The following PPP2R1B variants were observed in gnomAD, a reference collection of about 807,000 sequenced individuals.
The protein encoded by PPP2R1B is serine/threonine-protein phosphatase 2A 65 kDa regulatory subunit A beta isoform.
In PPP2R1B, 58 loss-of-function variants were observed where a neutral mutation model predicts 72.7. The ratio of observed to expected loss-of-function variants is 0.80; its 90% confidence interval spans 0.65 to 0.99. The LOEUF (loss-of-function observed/expected upper bound fraction) is 0.99, where lower values mean the gene tolerates loss of function less well. Among genes scored for constraint, PPP2R1B ranks in the 50% least tolerant of loss-of-function variants. The probability of loss-of-function intolerance (pLI) is 0.00; values close to 1 mark genes in which losing one functional copy is unlikely to be tolerated. For missense variants in PPP2R1B, 695 were observed against 733.6 expected, an observed-to-expected ratio of 0.95 and a Z score of 0.61; for synonymous variants, 256 against 264.6, an observed-to-expected ratio of 0.97 and a Z score of 0.32.
At chr11:111,719,635 T>C in the PPP2R1B span, 1 of 830,206 alleles carries the variant, frequency 1.2e-6, no homozygotes, top group Non-Finnish European at 1.9e-6. Flanking sequence ...ATCTATGTGT[T>C]GTCATGCATA....
In PPP2R1B at chr11:111,738,179, A is replaced by T. The variant is rs908743168; in HGVS notation, c.*3417T>A. Reference sequence around the variant, plus strand: ...AGTTACATCACATCAGACTGCAGTCACCTCAGCTGCTAAACCAGGAGAACA... The same window carrying T: ...AGTTACATCACATCAGACTGCAGTCTCCTCAGCTGCTAAACCAGGAGAACA... On this transcript the variant is annotated 3_prime_UTR_variant, in exon 15 of 15. Coordinates refer to ENST00000527614, the MANE Select transcript of PPP2R1B (RefSeq NM_002716.5). The T allele has an allele frequency of 2.0e-6, 2 of 985,694 alleles. No homozygotes were observed. The highest frequency in any genetic ancestry group is 2.4e-6 in the Non-Finnish European group (2 of 830,206). 61.1% of individuals were successfully genotyped at this position (985,694 alleles called of 1,614,324 possible).
At chr11:111,734,602 G>A (rs576866338), downstream of PPP2R1B, among the ~76,000 whole-genome samples, 26 of 152,242 alleles carry the variant, frequency 1.7e-4, no homozygotes, top group Non-Finnish European at 2.5e-4. Flanking sequence ...CTTCCCCATG[G>A]ACTTCAAGGT....
intron 3 of PPP2R1B, among the ~76,000 whole-genome samples, chr11:111,762,198 AGAACTAACCAAGAGT>A (rs1287174159): frequency 5.3e-5 from 8 of 152,230 alleles, no homozygotes; most frequent in African/African-American, 1.9e-4. Context: ...ACCCACATAT[AGAACTAACCAAGAGT>A]GAAACAGAAG....
chr11:111,722,740 C>T, downstream of PPP2R1B: 1 of 1,614,062 alleles, frequency 6.2e-7, no homozygotes, highest in Non-Finnish European at 8.5e-7. The surrounding 1 kb of genome is among the most constrained non-coding windows in gnomAD (Gnocchi z 4.4). Context: ...CCTTGAGCAG[C>T]AGCTGCAGGA....
chr11:111,746,027 C>A (rs1325305883), intron 11 of PPP2R1B, among the ~76,000 whole-genome samples: 1 of 152,134 alleles, frequency 6.6e-6, no homozygotes, highest in Non-Finnish European at 1.5e-5. Context: ...TTCTCCTGCT[C>A]CCAAACTGAA....
In PPP2R1B at chr11:111,741,979, C is replaced by T. The variant is rs770081594; in HGVS notation, c.1789+74G>A. On this transcript the variant is annotated intron_variant, in intron 14 of 14. Transcript: ENST00000527614. ...AATACTTATCATCCTACCCACTTAA[C>T]ACCTCTCACATAATAGAGATAAATC... is the stretch of plus-strand genomic sequence containing the variant. 8.8e-6 allele frequency: 11 copies of T among 1,243,020 alleles called. No homozygotes were observed. The East Asian group carries it at 2.1e-4, about 24-fold the overall frequency. The allele number at this position is 1,243,020 out of a possible 1,614,324, so 77.0% of individuals were successfully genotyped here. A position where few individuals can be genotyped will look rare whatever the true frequency, so the allele number is the denominator to read the frequency against.
At chr11:111,727,347 G>A (rs1159416020) in intron 15 of PPP2R1B, 1 of 459,942 alleles carries the variant, frequency 2.2e-6, no homozygotes, top group Non-Finnish European at 3.9e-6. Flanking sequence ...GAAAGAAAAA[G>A]TCAGTGGCCC....
chr11:111,736,025 T>C (rs997588550), downstream of PPP2R1B, among the ~76,000 whole-genome samples: 1 of 152,150 alleles, frequency 6.6e-6, no homozygotes, highest in African/African-American at 2.4e-5. Flanking sequence ...TTAAATGAAC[T>C]GAAGCCTCAG....
At chr11:111,749,785 C>T (rs1944835294) in intron 10 of PPP2R1B, among the ~76,000 whole-genome samples, 2 of 152,160 alleles carry the variant, frequency 1.3e-5, no homozygotes, top group African/African-American at 4.8e-5. Context: ...AGGCATGTCA[C>T]CCCTGCCAGA....
chr11:111,766,116 T>C lies in PPP2R1B; in HGVS notation c.114+132A>G, dbSNP rs560882119. ...AGCCCCTCGCGGAGCATTCCCCGCCTCCCCTTCAAGTTTCTGCTACGAGTC... is the reference window on the plus strand; with the variant it reads ...AGCCCCTCGCGGAGCATTCCCCGCCCCCCCTTCAAGTTTCTGCTACGAGTC... On this transcript the variant is annotated intron_variant, in intron 1 of 14. Transcript: ENST00000527614. 1.6e-4 allele frequency: 134 copies of C among 815,104 alleles called. No individual in the cohort carries two copies. The African/African-American group carries it at 2.2e-3, about 14-fold the overall frequency. 50.5% of individuals were successfully genotyped at this position (815,104 alleles called of 1,614,324 possible). A position where few individuals can be genotyped will look rare whatever the true frequency, so the allele number is the denominator to read the frequency against.
chr11:111,722,573 T>A, downstream of PPP2R1B: 4 of 1,198,710 alleles, frequency 3.3e-6, no homozygotes, highest in Non-Finnish European at 4.8e-6. This position sits in a 1 kb window ranked among gnomAD's most constrained non-coding sequence, Gnocchi z 4.4. Context: ...TAGAATGCAG[T>A]TAGATTCATC....
At chr11:111,710,429 T>G in the PPP2R1B span, among the ~76,000 whole-genome samples, 3 of 152,246 alleles carry the variant, frequency 2.0e-5, no homozygotes. Flanking sequence ...ATATTAATAT[T>G]GGAATATACC....
chr11:111,733,712 C>G (rs2136015960), downstream of PPP2R1B, among the ~76,000 whole-genome samples: 1 of 152,360 alleles, frequency 6.6e-6, no homozygotes, highest in South Asian at 2.1e-4. Context: ...ACAGCCTTGC[C>G]TGTCTCTTCT....
chr11:111,695,588 T>C, the PPP2R1B span, among the ~76,000 whole-genome samples: 2 of 152,208 alleles, frequency 1.3e-5, no homozygotes, highest in African/African-American at 4.8e-5. Flanking sequence ...GTTTTCTGGC[T>C]AGTCAAAAAG....
At chr11:111,756,052 C>CA (rs1428568860) in intron 5 of PPP2R1B, among the ~76,000 whole-genome samples, 5 of 150,916 alleles carry the variant, frequency 3.3e-5, no homozygotes, top group African/African-American at 4.9e-5. Context: ...ACTAAAAATA[C>CA]AAAAAAAATT....
At chr11:111,755,902 T>C (rs1278217972) in intron 5 of PPP2R1B, among the ~76,000 whole-genome samples, 1 of 152,046 alleles carries the variant, frequency 6.6e-6, no homozygotes, top group African/African-American at 2.4e-5. Flanking sequence ...TGGCCGTGTA[T>C]TTATATCTTG....
chr11:111,756,142 G>A (rs71405270), intron 5 of PPP2R1B, among the ~76,000 whole-genome samples: 10 of 151,594 alleles, frequency 6.6e-5, no homozygotes, highest in African/African-American at 1.2e-4. Context: ...CCCAGCAGGC[G>A]GAGCTTGCAG....
At chr11:111,720,734 C>A in the PPP2R1B span, 2 of 1,604,108 alleles carry the variant, frequency 1.2e-6, no homozygotes, top group East Asian at 2.2e-5. Context: ...GAGAGGGCCG[C>A]AGAGCATCAG....
At chr11:111,719,493 G>T in the PPP2R1B span, among the ~76,000 whole-genome samples, 1 of 150,822 alleles carries the variant, frequency 6.6e-6, no homozygotes, top group Admixed American at 6.6e-5. Context: ...CTGTTCTTCT[G>T]GAAACCACTA....
Sources: allele counts gnomAD v4.1 joint callset (sites outside exome capture counted in the v4.1 genomes callset), GRCh38; gene constraint gnomAD v4.1.1; non-coding constraint Gnocchi (gnomAD v3.1); transcripts MANE v1.5; gene names NCBI Gene and HGNC (gene_info 2026-07-23, HGNC 2026-07-21).